The following COL22A1 variants were observed in gnomAD, a reference collection of about 807,000 sequenced individuals.
The protein encoded by COL22A1 is collagen type XXII alpha 1 chain.
Under a neutral mutation model 248.9 loss-of-function variants are expected in COL22A1, and 221 were observed. That is an observed-to-expected ratio of 0.89 (90% CI 0.80 to 0.99). The LOEUF (loss-of-function observed/expected upper bound fraction) is 0.99, where lower values mean the gene tolerates loss of function less well. Ranked by LOEUF, COL22A1 falls within the 50% of genes least tolerant of loss-of-function variation. The pLI, the probability that COL22A1 is intolerant of heterozygous loss-of-function variation, is 0.00. For missense variants in COL22A1, 2,240 were observed against 2,179.0 expected, an observed-to-expected ratio of 1.03 and a Z score of -0.56; for synonymous variants, 891 against 793.4, an observed-to-expected ratio of 1.12 and a Z score of -2.07.
intron 10 of COL22A1, among the ~76,000 whole-genome samples, chr8:138,803,689 A>G (rs1817203721): frequency 6.6e-6 from 1 of 152,152 alleles, no homozygotes; most frequent in South Asian, 2.1e-4. Flanking sequence ...GCAAGGGAGG[A>G]AAAACTCATC....
At chr8:138,676,454 A>AAAGGAAGGAAGGAAGGAAGGAAGG (rs1554744069) in intron 41 of COL22A1, 104 bp downstream of exon 41, 2 of 396,724 alleles carry the variant, frequency 5.0e-6, no homozygotes, top group African/African-American at 4.6e-5. Context: ...AGAAAGAAAG[A>AAAGGAAGGAAGGAAGGAAGGAAGG]AAGGAAGAAA....
chr8:138,593,754 T>G (rs1268681408), intron 63 of COL22A1, among the ~76,000 whole-genome samples: 3 of 152,202 alleles, frequency 2.0e-5, no homozygotes, highest in Non-Finnish European at 2.9e-5. Context: ...CCCTGAAACT[T>G]GAGCAGCGGA....
chr8:138,614,983 C>T lies in COL22A1; in HGVS notation c.3924+1018G>A, dbSNP rs35653799. On this transcript the variant is annotated intron_variant, in intron 55 of 64. Coordinates refer to ENST00000303045, the MANE Select transcript of COL22A1 (RefSeq NM_152888.3). ...AAGGACCCACATGGTGGGCATGAGACAACTTTGTACCTCAGTACCTGGTGC... is the reference window on the plus strand; with the variant it reads ...AAGGACCCACATGGTGGGCATGAGATAACTTTGTACCTCAGTACCTGGTGC... Among the ~76,000 whole-genome samples the T allele has an allele frequency of 9.8e-3, 1,488 of 152,296 alleles. 16 individuals are homozygous for T. Among genetic ancestry groups the T allele is most frequent in the Middle Eastern group, 0.02 (6 of 294 alleles).
rs1814774540 is a variant in COL22A1, at chr8:138,779,577, C to T, written c.1651-15G>A. 1.2e-6 allele frequency: 2 copies of T among 1,607,134 alleles called. No homozygotes were observed. Among genetic ancestry groups the T allele is most frequent in the Admixed American group, 1.7e-5 (1 of 60,008 alleles). On this transcript the variant is annotated splice_polypyrimidine_tract_variant and intron_variant, in intron 13 of 64. Transcript: ENST00000303045. ...CCTGGCTCCCCCTGAACAAACAAAACAACACAAAGTCATAGGCAGTGGGAC... is the reference window on the plus strand; with the variant it reads ...CCTGGCTCCCCCTGAACAAACAAAATAACACAAAGTCATAGGCAGTGGGAC...
In COL22A1 at chr8:138,720,903, T is replaced by G. The variant is rs1282253706; in HGVS notation, c.2302-111A>C. 6 of 850,478 alleles carry G rather than the reference T, an allele frequency of 7.1e-6. No individual in the cohort carries two copies. The Admixed American group carries it at 1.1e-4, about 15-fold the overall frequency. The allele number at this position is 850,478 out of a possible 1,614,324, so 52.7% of individuals were successfully genotyped here. ...AGAGAACTACCTGCACTCGGGTGGT[T>G]TTGAACTGCTTCAACTCTGCGATTA... On this transcript the variant is annotated intron_variant, in intron 26 of 64. Transcript: ENST00000303045.
intron 44 of COL22A1, among the ~76,000 whole-genome samples, chr8:138,659,518 T>TTTCTTA (rs1823596812): frequency 2.6e-5 from 4 of 152,204 alleles, no homozygotes; most frequent in African/African-American, 9.6e-5. Flanking sequence ...TCCCCAGTCT[T>TTTCTTA]GGTTGCTGCT....
intron 47 of COL22A1, among the ~76,000 whole-genome samples, chr8:138,641,834 C>G (rs1296433439): frequency 6.6e-6 from 1 of 152,172 alleles, no homozygotes; most frequent in African/African-American, 2.4e-5. Flanking sequence ...TCAGGGGTAG[C>G]ATTTTCAGTT....
intron 37 of COL22A1, among the ~76,000 whole-genome samples, chr8:138,685,788 C>A (rs1826300719): frequency 6.6e-6 from 1 of 152,194 alleles, no homozygotes; most frequent in African/African-American, 2.4e-5. Flanking sequence ...GGACTTCCAG[C>A]CTCCAAAACT....
At chr8:138,690,948 C>T in intron 35 of COL22A1, 74 bp from the exon 36 acceptor site, 3 of 1,209,084 alleles carry the variant, frequency 2.5e-6, no homozygotes, top group Non-Finnish European at 3.5e-6. Context: ...CTCTGCAAAT[C>T]TGCCTCATAC....
Position 138,722,084 on chromosome 8 carries a change from G to A in COL22A1, c.2253C>T (p.Pro751=), listed in dbSNP as rs1412179163. ...GKPGPPGPTG[P]PGKDGPNGPP... is the part of the protein sequence containing the mutation. ...GTCCATTTGGCCCGTCCTTTCCAGG[G>A]GGTCCCTGGGCCAAGAGGGGAAAAC... is the stretch of plus-strand genomic sequence containing the variant. Residue 751 remains proline (P), a synonymous_variant, in exon 26 of 65, where the codon CCC becomes CCT. Coordinates refer to ENST00000303045, the MANE Select transcript of COL22A1 (RefSeq NM_152888.3). 3 of 1,582,704 alleles carry A rather than the reference G, an allele frequency of 1.9e-6. No homozygotes were observed. In the Admixed American group the frequency reaches 5.4e-5, roughly 28 times the overall value.
intron 30 of COL22A1, among the ~76,000 whole-genome samples, chr8:138,713,782 TTA>T (rs1296990236): frequency 5.3e-5 from 8 of 151,694 alleles, no homozygotes; most frequent in African/African-American, 1.7e-4. Flanking sequence ...AAAAATTCCA[TTA>T]TGTTTTCTGA....
chr8:138,728,426 C>G (rs1237420860), intron 23 of COL22A1, among the ~76,000 whole-genome samples: 1 of 152,106 alleles, frequency 6.6e-6, no homozygotes, highest in African/African-American at 2.4e-5. Context: ...TGTTAGCAGT[C>G]TGAATGAACA....
At chr8:138,870,004 G>A (rs62528813) in intron 3 of COL22A1, among the ~76,000 whole-genome samples, 24,597 of 152,100 alleles carry the variant, frequency 0.16, 2,093 homozygotes, top group Non-Finnish European at 0.18. Flanking sequence ...TATGTGCCTG[G>A]TGTGTATGTG....
chr8:138,774,460 T>C (rs1234633854), intron 16 of COL22A1, among the ~76,000 whole-genome samples: 1 of 148,682 alleles, frequency 6.7e-6, no homozygotes, highest in Non-Finnish European at 1.5e-5. Flanking sequence ...GCTCTGTCGC[T>C]CAGGCTGGAG....
In COL22A1 at chr8:138,604,676, T is replaced by A. The variant is rs574600927; in HGVS notation, c.4140+58A>T. 50 of 1,494,004 alleles carry A rather than the reference T, an allele frequency of 3.3e-5. No homozygotes were observed. The Admixed American group carries it at 8.1e-4, about 24-fold the overall frequency. 92.5% of individuals were successfully genotyped at this position (1,494,004 alleles called of 1,614,324 possible). A position where few individuals can be genotyped will look rare whatever the true frequency, so the allele number is the denominator to read the frequency against. On this transcript the variant is annotated intron_variant, in intron 59 of 64. Transcript: ENST00000303045. ...TCTAAGCCCAGGGCCTGAGCCTGCA[T>A]AGACTGCCCATTGGTGGTAAAGGGT...
chr8:138,840,897 C>G (rs141423529), intron 4 of COL22A1, among the ~76,000 whole-genome samples: 254 of 152,304 alleles, frequency 1.7e-3, no homozygotes, highest in African/African-American at 5.0e-3. Context: ...CAGGCGTGAG[C>G]CACTGCACCC....
rs768454431 is a variant in COL22A1 at position 138,725,387 on chromosome 8, C to T, written c.2193G>A (p.Pro731=). The T allele has an allele frequency of 1.6e-5, 26 of 1,613,890 alleles. No individual in the cohort carries two copies. Among genetic ancestry groups the T allele is most frequent in the South Asian group, 4.4e-5 (4 of 91,078 alleles). ...TGTAGAAAATCAAAGCCAGTCTTACCGGAGAACCTCCCGGTCCAGGGGGGC... is the reference window on the plus strand; with the variant it reads ...TGTAGAAAATCAAAGCCAGTCTTACTGGAGAACCTCCCGGTCCAGGGGGGC... The part of the protein sequence containing the change: ...VPGPPGPGGS[P]GLPGEIGFPG... Residue 731 remains proline (P), a splice_region_variant and synonymous_variant, in exon 24 of 65, where the codon CCG becomes CCA. Coordinates refer to ENST00000303045, the MANE Select transcript of COL22A1 (RefSeq NM_152888.3).
In COL22A1 at chr8:138,618,121, T is replaced by A. The variant is rs377382721; in HGVS notation, c.3826-1163A>T. On this transcript the variant is annotated intron_variant, in intron 53 of 64. Coordinates refer to ENST00000303045, the MANE Select transcript of COL22A1 (RefSeq NM_152888.3). ...GCTGGGAACGTTACATGTCCTACCT[T>A]CTCCTTTAGTACTTACGACCACTCT... is the stretch of plus-strand genomic sequence containing the variant. 3.5e-4 allele frequency among the ~76,000 whole-genome samples: 54 copies of A among 152,230 alleles called. 1 individual carries two copies. The East Asian group carries it at 5.0e-3, about 14-fold the overall frequency.
At chr8:138,865,923 ATATGTG>A (rs1563861178) in intron 3 of COL22A1, among the ~76,000 whole-genome samples, 1 of 119,382 alleles carries the variant, frequency 8.4e-6, no homozygotes, top group African/African-American at 3.3e-5. Context: ...ATGTGAGTGT[ATATGTG>A]TGTGTATGTT....
Sources: allele counts gnomAD v4.1 joint callset (sites outside exome capture counted in the v4.1 genomes callset), GRCh38; gene constraint gnomAD v4.1.1; transcripts MANE v1.5; gene names NCBI Gene and HGNC (gene_info 2026-07-23, HGNC 2026-07-21).